ACOT9: variants seen among roughly 807,000 people sequenced by gnomAD.
ACOT9 encodes the protein acyl-coenzyme A thioesterase 9, mitochondrial.
In ACOT9, 34 loss-of-function variants were observed where a neutral mutation model predicts 39.7. The observed-to-expected ratio is 0.86, with a 90% CI of 0.65 to 1.14. The LOEUF is 1.14. Among genes scored for constraint, ACOT9 ranks in the 50% most tolerant of loss-of-function variants. The pLI is 0.00. For missense variants in ACOT9, 313 were observed against 344.1 expected (o/e 0.91, Z 0.71); for synonymous variants, 110 against 120.5 (o/e 0.91, Z 0.57).
At chrX:23,706,805 C>G in intron 10 of ACOT9, 66 bp from the exon 11 acceptor site, 1 of 629,222 alleles carries the variant, frequency 1.6e-6, no homozygotes, top group Middle Eastern at 3.2e-4. Context: ...GTATTCTGAC[C>G]TGGGATGCCT....
intron 1 of ACOT9, among the ~76,000 whole-genome samples, 189 bp from the exon 2 acceptor site, chrX:23,736,205 G>C (rs1416753948): frequency 1.8e-5 from 2 of 111,763 alleles, no homozygotes; most frequent in Non-Finnish European, 3.8e-5. Flanking sequence ...TCTCCCACTA[G>C]AGTAAACATT....
chrX:23,730,537 G>A lies in ACOT9; in HGVS notation c.390C>T (p.Asp130=). 1 of 1,206,961 alleles carries A rather than the reference G, an allele frequency of 8.3e-7. No individual in the cohort carries two copies. The highest frequency in any genetic ancestry group is 1.1e-6 in the Non-Finnish European group (1 of 891,209). The change falls in exon 6 of 16, where the codon GAC becomes GAT. Residue 130 remains aspartate (D), a synonymous_variant. Coordinates refer to ENST00000379303, the MANE Select transcript of ACOT9 (RefSeq NM_001037171.2). ...AAATAATACCAGTACCTCCCAAGCT[G>A]TCAAGATCCTCAAGAATCCTGCCAA... ...VRFGRILEDL[D]SLGVLICYMH...
intron 6 of ACOT9, among the ~76,000 whole-genome samples, chrX:23,729,896 G>A (rs1157684303): frequency 9.0e-6 from 1 of 111,678 alleles, no homozygotes; most frequent in Non-Finnish European, 1.9e-5. Context: ...CTCCCAAAGT[G>A]CTGGGATTAT....
chrX:23,734,471 C>A, intron 2 of ACOT9, 104 bp from the exon 3 acceptor site: 1 of 665,630 alleles, frequency 1.5e-6, no homozygotes, highest in Non-Finnish European at 2.3e-6. Flanking sequence ...TGTGTTTTTC[C>A]TAGCACTTCA....
chrX:23,741,071 T>C (rs761337062), intron 1 of ACOT9, among the ~76,000 whole-genome samples: 41 of 109,079 alleles, frequency 3.8e-4, no homozygotes, highest in Middle Eastern at 9.3e-3. Context: ...TGTATACATA[T>C]GTAACTAACC....
intron 15 of ACOT9, among the ~76,000 whole-genome samples, chrX:23,704,438 C>T: frequency 9.3e-6 from 1 of 107,913 alleles, no homozygotes; most frequent in Non-Finnish European, 1.9e-5. Flanking sequence ...TCTCGGCCTC[C>T]CAAAGTGCTG....
At chrX:23,709,270 G>A (rs1351113371) in intron 9 of ACOT9, among the ~76,000 whole-genome samples, 1 of 111,482 alleles carries the variant, frequency 9.0e-6, no homozygotes, top group Non-Finnish European at 1.9e-5. Flanking sequence ...GTAGGTGCCT[G>A]TAATCCCAGC....
rs765970167 is a variant in ACOT9, at chrX:23,704,784, G to A, written c.1168C>T (p.Gln390Ter). ...VRVHSEVASL[Q>*]EKQHTTTNVF... ...TTGGTGGTTGTATGCTGCTTCTCCT[G>A]CAGGGAGGCCACTTCACTGTGTACT... The change falls in exon 15 of 16, where the codon CAG becomes TAG. Residue 390 changes from glutamine to a stop codon, truncating the protein, a stop_gained. Coordinates refer to ENST00000379303, the MANE Select transcript of ACOT9 (RefSeq NM_001037171.2). LOFTEE classifies it high-confidence loss of function. 77 of 1,208,488 alleles carry A rather than the reference G, an allele frequency of 6.4e-5. No individual in the cohort carries two copies. The highest frequency in any genetic ancestry group is 8.5e-5 in the Non-Finnish European group (76 of 893,877).
intron 6 of ACOT9, among the ~76,000 whole-genome samples, chrX:23,725,014 G>GT (rs201428832): frequency 0.039 from 4,377 of 111,463 alleles, 218 homozygotes; most frequent in African/African-American, 0.14. Flanking sequence ...ATGTAGCTTT[G>GT]TAAGTATTCA....
At chrX:23,726,533 G>T (rs1040904185) in intron 6 of ACOT9, among the ~76,000 whole-genome samples, 8 of 111,435 alleles carry the variant, frequency 7.2e-5, no homozygotes, top group Non-Finnish European at 1.3e-4. Context: ...AGCCGACCGG[G>T]AAATGTTTAA....
chrX:23,731,084 A>G, intron 4 of ACOT9, 98 bp from the exon 5 acceptor site: 1 of 729,169 alleles, frequency 1.4e-6, no homozygotes, highest in Non-Finnish European at 2.0e-6. Flanking sequence ...AGGAGGAAAA[A>G]GAAGGTCTGG....
At chrX:23,705,378 G>GT in intron 13 of ACOT9, 131 bp downstream of exon 13, 1 of 540,679 alleles carries the variant, frequency 1.8e-6, no homozygotes, top group Non-Finnish European at 3.1e-6. Context: ...AATTCAGCTG[G>GT]TATCAGTGTG....
chrX:23,739,255 C>T (rs1837546500), intron 1 of ACOT9, among the ~76,000 whole-genome samples: 1 of 110,873 alleles, frequency 9.0e-6, no homozygotes, highest in African/African-American at 3.3e-5. Flanking sequence ...AAAAAAGAGC[C>T]CAATCATGCT....
rs1316047115 is a variant in ACOT9 at position 23,703,959 on chromosome X, GC to G, written c.1281del (p.Gln428SerfsTer7). ...TYGESMLYLD[G>X]QRHFNSMSGP... is the part of the protein sequence containing the mutation. ...CCACTCATGGAGTTGAAATGCCGCT[GC>G]CCATCTAAGTACAACATGGACTCTG... On this transcript the variant is annotated frameshift_variant, in exon 16 of 16. Coordinates refer to ENST00000379303, the MANE Select transcript of ACOT9 (RefSeq NM_001037171.2). LOFTEE classifies it high-confidence loss of function. 8.3e-7 allele frequency: 1 copy of G among 1,210,326 alleles called. No homozygotes were observed. The highest frequency in any genetic ancestry group is 2.2e-5 in the Admixed American group (1 of 45,920).
chrX:23,740,739 C>T (rs202168322), intron 1 of ACOT9, among the ~76,000 whole-genome samples: 1 of 26,658 alleles, frequency 3.8e-5, no homozygotes, highest in Admixed American at 2.6e-4. Context: ...CACACACACA[C>T]ACACACACAC....
chrX:23,734,395 G>A, intron 2 of ACOT9, 28 bp from the exon 3 acceptor site: 1 of 1,125,291 alleles, frequency 8.9e-7, no homozygotes, highest in Non-Finnish European at 1.2e-6. Flanking sequence ...AAATCAATTA[G>A]AGAACCAGCA....
chrX:23,735,178 T>C (rs1396167340), intron 2 of ACOT9, among the ~76,000 whole-genome samples: 1 of 84,151 alleles, frequency 1.2e-5, no homozygotes, highest in Non-Finnish European at 2.1e-5. Context: ...GAGGCAGAGG[T>C]TGCAGTGAGC....
chrX:23,730,130 T>A (rs779919972), intron 6 of ACOT9, among the ~76,000 whole-genome samples: 9 of 99,281 alleles, frequency 9.1e-5, no homozygotes, highest in African/African-American at 3.4e-4. Flanking sequence ...GTTTCACTCT[T>A]GTTACCCAGG....
In ACOT9 at chrX:23,706,006, T is replaced by G. The variant is rs1040087507; in HGVS notation, c.843-148A>C. On this transcript the variant is annotated intron_variant, in intron 11 of 15. Coordinates refer to ENST00000379303, the MANE Select transcript of ACOT9 (RefSeq NM_001037171.2). ...TAGGCCAGGCGCGGTGGCTCACGCC[T>G]GTAATCCCAACACTTTGGGAGGCCG... The G allele has an allele frequency of 8.4e-6, 4 of 476,785 alleles. No individual in the cohort carries two copies. The African/African-American group carries it at 9.6e-5, about 11-fold the overall frequency. The allele number at this position is 476,785 out of a possible 1,213,427, so 39.3% of individuals were successfully genotyped here.
Sources: gnomAD v4.1 joint callset for allele counts (sites outside exome capture counted in the v4.1 genomes callset) on GRCh38, gnomAD v4.1.1 for gene constraint, MANE v1.5 for transcripts, NCBI Gene and HGNC (gene_info 2026-07-23, HGNC 2026-07-21) for gene names.